The following PPFIA2 variants were observed in gnomAD, a reference collection of about 807,000 sequenced individuals.
PPFIA2 encodes liprin-alpha-2.
In PPFIA2, 46 loss-of-function variants were observed where a neutral mutation model predicts 175.5. The observed-to-expected ratio is 0.26, with a 90% CI of 0.21 to 0.34. The LOEUF is 0.34. PPFIA2 is among the 10% of genes least tolerant of loss of function. The probability of loss-of-function intolerance (pLI) is 1.00; values close to 1 mark genes in which losing one functional copy is unlikely to be tolerated. For missense variants in PPFIA2, 1,179 were observed against 1,506.1 expected, an observed-to-expected ratio of 0.78 and a Z score of 3.60; for synonymous variants, 568 against 511.4, an observed-to-expected ratio of 1.11 and a Z score of -1.49.
intron 3 of PPFIA2, among the ~76,000 whole-genome samples, chr12:81,686,765 T>A (rs10862341): frequency 0.34 from 52,153 of 151,702 alleles, 9,647 homozygotes; most frequent in Middle Eastern, 0.49. Flanking sequence ...GTATGCATAT[T>A]CCAATCCAGT....
chr12:81,621,477 T>A (rs576718502), intron 4 of PPFIA2, among the ~76,000 whole-genome samples: 3 of 152,192 alleles, frequency 2.0e-5, no homozygotes, highest in Non-Finnish European at 4.4e-5. Flanking sequence ...ACTGAATAAA[T>A]GACCAAGATT....
intron 24 of PPFIA2, among the ~76,000 whole-genome samples, chr12:81,289,801 C>G (rs142217660): frequency 2.7e-4 from 41 of 151,898 alleles, no homozygotes; most frequent in African/African-American, 9.6e-4. Context: ...GTAATTTTTA[C>G]CTGAGATAAA....
chr12:81,472,387 T>C (rs1166212192), intron 4 of PPFIA2: 1 of 152,116 alleles, frequency 6.6e-6, no homozygotes, highest in East Asian at 1.9e-4. Flanking sequence ...TAAATAACAG[T>C]AGTTCAGTTT....
chr12:81,316,369 G>A (rs2052349827), intron 22 of PPFIA2, among the ~76,000 whole-genome samples: 1 of 151,436 alleles, frequency 6.6e-6, no homozygotes, highest in Admixed American at 6.6e-5. Context: ...AGATTAAGAT[G>A]TCAGCATTAT....
At chr12:81,736,792 TG>T (rs1442998954) in intron 3 of PPFIA2, among the ~76,000 whole-genome samples, 1 of 152,038 alleles carries the variant, frequency 6.6e-6, no homozygotes, top group African/African-American at 2.4e-5. Flanking sequence ...TCACCCAGGT[TG>T]GAGTGCAGTG....
chr12:81,448,430 A>G (rs1433340653), intron 5 of PPFIA2, among the ~76,000 whole-genome samples: 1 of 152,150 alleles, frequency 6.6e-6, no homozygotes, highest in Non-Finnish European at 1.5e-5. Flanking sequence ...TCCTCCTTTC[A>G]GCCTTTCATC....
At chr12:81,492,893 G>A (rs2059569208) in intron 4 of PPFIA2, among the ~76,000 whole-genome samples, 9 of 152,062 alleles carry the variant, frequency 5.9e-5, no homozygotes, top group Admixed American at 5.9e-4. Context: ...TCTGGAAAAA[G>A]ATAAAGGTGA....
chr12:81,375,452 T>A (rs558272849), intron 10 of PPFIA2, among the ~76,000 whole-genome samples: 20 of 152,256 alleles, frequency 1.3e-4, no homozygotes, highest in African/African-American at 4.6e-4. Flanking sequence ...AGTCTGACTG[T>A]CTCTGAACTG....
intron 5 of PPFIA2, among the ~76,000 whole-genome samples, chr12:81,454,290 A>T (rs2053198506): frequency 1.3e-5 from 2 of 152,264 alleles, no homozygotes; most frequent in African/African-American, 4.8e-5. Context: ...CCTTTGCATC[A>T]CATGTGAATT....
At chr12:81,583,761 C>G (rs1031108572) in intron 4 of PPFIA2, among the ~76,000 whole-genome samples, 1 of 151,752 alleles carries the variant, frequency 6.6e-6, no homozygotes, top group Non-Finnish European at 1.5e-5. Context: ...GGCCTAGGGT[C>G]CACAGTATGT....
Position 81,369,279 on chromosome 12 carries a change from C to A in PPFIA2, c.1267-85G>T, listed in dbSNP as rs575220580. Reference sequence around the variant, plus strand: ...AAATAAATTGAAATAAAATGTAAAGCAAGCTACTACCAACTGCAAACATAG... The same window carrying A: ...AAATAAATTGAAATAAAATGTAAAGAAAGCTACTACCAACTGCAAACATAG... On this transcript the variant is annotated intron_variant, in intron 11 of 32. Coordinates refer to ENST00000549396, the MANE Select transcript of PPFIA2 (RefSeq NM_003625.5). The A allele has an allele frequency of 1.6e-5, 24 of 1,547,394 alleles. No individual in the cohort carries two copies. The Admixed American group carries it at 2.9e-4, about 19-fold the overall frequency.
intron 4 of PPFIA2, among the ~76,000 whole-genome samples, chr12:81,643,672 T>C (rs1338365582): frequency 6.6e-6 from 1 of 151,992 alleles, no homozygotes; most frequent in Non-Finnish European, 1.5e-5. Context: ...TGGAGTCACC[T>C]GAAGGTAGGT....
In PPFIA2 at chr12:81,299,290, C is replaced by A; in HGVS notation, c.2724+11G>T. 1 of 1,583,758 alleles carries A rather than the reference C, an allele frequency of 6.3e-7. No individual in the cohort carries two copies. Among genetic ancestry groups the A allele is most frequent in the East Asian group, 2.3e-5 (1 of 43,710 alleles). ...GATTGATTCAAGGGCCTCCTAGTTT[C>A]ATTCTCTTACCTCTAGCCATGCGAC... On this transcript the variant is annotated intron_variant, in intron 23 of 32. Transcript: ENST00000549396.
intron 26 of PPFIA2, 50 bp from the exon 27 acceptor site, chr12:81,281,500 G>T: frequency 7.7e-7 from 1 of 1,290,330 alleles, no homozygotes; most frequent in Non-Finnish European, 1.1e-6. Context: ...AGATAAGATG[G>T]TAATTGGATA....
At position 81,375,827 on chromosome 12, in the gene PPFIA2, T is replaced by G. The variant is rs1222895985; in HGVS notation, c.1100A>C (p.Glu367Ala). 1 of 1,610,014 alleles carries G rather than the reference T, an allele frequency of 6.2e-7. No individual in the cohort carries two copies. The highest frequency in any genetic ancestry group is 8.5e-7 in the Non-Finnish European group (1 of 1,176,596). The change falls in exon 10 of 33, where the codon GAG becomes GCG. Residue 367 changes from glutamate (E) to alanine (A), a missense_variant. Glu to Ala is a moderately radical substitution (Grantham distance 107, BLOSUM62 -1). Around this residue, in one of 10 missense-constraint regions of PPFIA2, gnomAD observed 226 missense variants for 216.6 expected, o/e 1.04. Transcript: ENST00000549396. ...CAGGATAGCTTCTTTATTTGCTAAC[T>G]CATTTTCTAGTTTATCATTCATGTC... ...IHDMNDKLEN[E>A]LANKEAILRQ...
At chr12:81,417,939 T>G (rs577469071) in intron 7 of PPFIA2, among the ~76,000 whole-genome samples, 2 of 151,886 alleles carry the variant, frequency 1.3e-5, no homozygotes, top group East Asian at 1.9e-4. Context: ...AGGAGATGGA[T>G]AGTATCATAT....
At chr12:81,623,457 CT>C (rs1314294455) in intron 4 of PPFIA2, among the ~76,000 whole-genome samples, 5 of 151,970 alleles carry the variant, frequency 3.3e-5, no homozygotes, top group Admixed American at 1.3e-4. Context: ...CCTCATCCAT[CT>C]ACTACCTAGA....
chr12:81,634,985 AC>A (rs1255308337), intron 4 of PPFIA2, among the ~76,000 whole-genome samples: 11 of 151,138 alleles, frequency 7.3e-5, no homozygotes, highest in Non-Finnish European at 1.5e-4. Flanking sequence ...TTATTTTAAA[AC>A]ATCTTGCTTG....
chr12:81,507,985 T>A (rs1049505640), intron 4 of PPFIA2, among the ~76,000 whole-genome samples: 5 of 151,944 alleles, frequency 3.3e-5, no homozygotes, highest in South Asian at 2.1e-4. Flanking sequence ...ATTAGACATT[T>A]AAAAAAAATA....
Sources: allele counts gnomAD v4.1 joint callset (sites outside exome capture counted in the v4.1 genomes callset), GRCh38; gene constraint gnomAD v4.1.1; regional missense constraint gnomAD v4.1.1; transcripts MANE v1.5; gene names NCBI Gene and HGNC (gene_info 2026-07-23, HGNC 2026-07-21).